Variants in DDAH1 observed in about 807,000 individuals in gnomAD.
DDAH1 encodes N(G),N(G)-dimethylarginine dimethylaminohydrolase 1.
A neutral mutation model predicts 28.8 loss-of-function variants in DDAH1; 19 were observed. The ratio of observed to expected loss-of-function variants is 0.66; its 90% CI spans 0.46 to 0.97. The LOEUF (loss-of-function observed/expected upper bound fraction) is 0.97, where lower values mean the gene tolerates loss of function less well. Among genes scored for constraint, DDAH1 ranks in the 50% least tolerant of loss-of-function variants. DDAH1 has a pLI of 0.00. For missense variants in DDAH1, 326 were observed against 375.9 expected (o/e 0.87, Z 1.10); for synonymous variants, 153 against 154.4 (o/e 0.99, Z 0.07).
intron 1 of DDAH1, among the ~76,000 whole-genome samples, chr1:85,419,554 A>AAAAAG (rs1653042052): frequency 6.6e-6 from 1 of 151,496 alleles, no homozygotes; most frequent in African/African-American, 2.4e-5. Flanking sequence ...AAAAAAAAAA[A>AAAAAG]AAAAAAGTCT....
At chr1:85,465,798 C>G (rs564641862), upstream of DDAH1, among the ~76,000 whole-genome samples, 18 of 152,258 alleles carry the variant, frequency 1.2e-4, no homozygotes, top group South Asian at 3.3e-3. Context: ...GTCCTGGAGC[C>G]CAAACCACTG....
chr1:85,352,124 G>A (rs975319039), intron 2 of DDAH1, among the ~76,000 whole-genome samples: 1 of 152,094 alleles, frequency 6.6e-6, no homozygotes, highest in Non-Finnish European at 1.5e-5. Flanking sequence ...TGAGGAAAAA[G>A]AAAAAATTGA....
chr1:85,340,997 T>C (rs1648441537), intron 4 of DDAH1, among the ~76,000 whole-genome samples: 1 of 152,240 alleles, frequency 6.6e-6, no homozygotes, highest in African/African-American at 2.4e-5. Context: ...TTCATTCAGG[T>C]GCACTCAGAC....
At chr1:85,523,605 C>A (rs1276128507) in intron 1 of DDAH1, among the ~76,000 whole-genome samples, 8 of 151,980 alleles carry the variant, frequency 5.3e-5, no homozygotes, top group Non-Finnish European at 1.2e-4. Context: ...AGGGATTTAA[C>A]CTTCTTGTAC....
rs545044738 is a variant in DDAH1, at chr1:85,509,673, C to T, written c.-122-13392G>A. Reference sequence around the variant, plus strand: ...CCTGATGGAGCTGAAAACCATGGCACGAGAACTTTGTGACATATGCACAAC... The same window carrying T: ...CCTGATGGAGCTGAAAACCATGGCATGAGAACTTTGTGACATATGCACAAC... On this transcript the variant is annotated intron_variant, in intron 1 of 6. Coordinates refer to the DDAH1 transcript ENST00000426972. Among the ~76,000 whole-genome samples the T allele has an allele frequency of 2.0e-3, 308 of 152,148 alleles. 1 individual carries two copies. Among genetic ancestry groups the T allele is most frequent in the African/African-American group, 7.0e-3 (290 of 41,494 alleles).
chr1:85,383,546 C>T (rs1394898965), intron 1 of DDAH1, among the ~76,000 whole-genome samples: 8 of 152,144 alleles, frequency 5.3e-5, no homozygotes, highest in Non-Finnish European at 8.8e-5. Context: ...ATTGACAGAG[C>T]AATGGTAGTT....
chr1:85,518,549 G>A (rs1431572669), intron 1 of DDAH1, among the ~76,000 whole-genome samples: 4 of 152,086 alleles, frequency 2.6e-5, no homozygotes, highest in Non-Finnish European at 4.4e-5. Context: ...CGACAGGGTG[G>A]TGAATCCTTC....
intron 1 of DDAH1, among the ~76,000 whole-genome samples, chr1:85,557,623 G>T (rs1365876784): frequency 2.6e-5 from 4 of 152,116 alleles, no homozygotes. Flanking sequence ...AGTGTTATGG[G>T]CTAAATTGTG....
At position 85,321,504 on chromosome 1, in the gene DDAH1, T is replaced by C. The variant is rs1661343699; in HGVS notation, c.806A>G (p.Asp269Gly). 6.2e-7 allele frequency: 1 copy of C among 1,614,036 alleles called. No homozygotes were observed. Among genetic ancestry groups the C allele is most frequent in the Admixed American group, 1.7e-5 (1 of 59,998 alleles). ...AACTGAGCAGCAGGTGAGCAGCCCA[T>C]CCACCTTTTCCAGTTCAGACATGCT... ...PVSMSELEKV[D>G]GLLTCCSVLI... The change falls in exon 6 of 6, where the codon GAT becomes GGT. Residue 269 changes from aspartate (D) to glycine (G), a missense_variant. Coordinates refer to ENST00000284031, the MANE Select transcript of DDAH1 (RefSeq NM_012137.4).
chr1:85,345,241 T>G (rs192804992), intron 4 of DDAH1, among the ~76,000 whole-genome samples: 15 of 152,122 alleles, frequency 9.9e-5, no homozygotes, highest in Non-Finnish European at 2.1e-4. Context: ...TTGGAGTAAC[T>G]GGAGTACTCA....
At chr1:85,440,023 A>T (rs1306865839) in intron 1 of DDAH1, among the ~76,000 whole-genome samples, 1 of 152,174 alleles carries the variant, frequency 6.6e-6, no homozygotes, top group Non-Finnish European at 1.5e-5. Context: ...TCTACTTGGA[A>T]ACCTGGATGA....
intron 2 of DDAH1, among the ~76,000 whole-genome samples, chr1:85,492,885 A>C (rs1185235414): frequency 3.9e-5 from 6 of 152,102 alleles, no homozygotes; most frequent in African/African-American, 1.4e-4. Context: ...CATTTTCTTC[A>C]TTAGACTATG....
chr1:85,418,469 A>C (rs1402444375), intron 1 of DDAH1, among the ~76,000 whole-genome samples: 1 of 152,240 alleles, frequency 6.6e-6, no homozygotes, highest in Non-Finnish European at 1.5e-5. Flanking sequence ...AAGGTAAAAG[A>C]CCATGAATTT....
In DDAH1 at chr1:85,418,743, AC is replaced by A. The variant is rs1226329311; in HGVS notation, c.303+45999del. ...CTGTCACTTCTCCTTTTAACACAGT[AC>A]CCATATCCCTGCTTTCCCATCCATT... On this transcript the variant is annotated intron_variant, in intron 1 of 5. Transcript: ENST00000284031. 3.3e-5 allele frequency among the ~76,000 whole-genome samples: 5 copies of A among 152,170 alleles called. No homozygotes were observed. In the East Asian group the frequency reaches 9.6e-4, roughly 29 times the overall value.
chr1:85,570,549 C>T (rs1017861811), intron 1 of DDAH1, among the ~76,000 whole-genome samples: 2 of 152,164 alleles, frequency 1.3e-5, no homozygotes, highest in Admixed American at 6.5e-5. Flanking sequence ...GAAAATCATA[C>T]TTCCTTAGTT....
intron 2 of DDAH1, among the ~76,000 whole-genome samples, chr1:85,490,938 A>G (rs1159208294): frequency 6.6e-6 from 1 of 152,024 alleles, no homozygotes; most frequent in Non-Finnish European, 1.5e-5. Flanking sequence ...AGCCAACTCT[A>G]CCATTAAAAT....
Position 85,492,295 on chromosome 1 carries a change from T to C in DDAH1, c.-7+3871A>G, listed in dbSNP as rs576461453. Among the ~76,000 whole-genome samples the C allele has an allele frequency of 9.2e-5, 14 of 152,040 alleles. No homozygotes were observed. The South Asian group carries it at 2.9e-3, about 32-fold the overall frequency. ...TCAGAAATCATTCTCTAATTAACAATAAAAAAATGCAAAAATGGACTCAAA... is the reference window on the plus strand; with the variant it reads ...TCAGAAATCATTCTCTAATTAACAACAAAAAAATGCAAAAATGGACTCAAA... On this transcript the variant is annotated intron_variant, in intron 2 of 6. Transcript: ENST00000426972.
At chr1:85,363,011 T>C (rs1005483221) in intron 1 of DDAH1, among the ~76,000 whole-genome samples, 1 of 152,202 alleles carries the variant, frequency 6.6e-6, no homozygotes, top group African/African-American at 2.4e-5. Flanking sequence ...TAAAGCCTTA[T>C]ATAGTTTTAC....
chr1:85,412,962 C>T (rs1331492389), intron 1 of DDAH1, among the ~76,000 whole-genome samples: 1 of 152,188 alleles, frequency 6.6e-6, no homozygotes, highest in Non-Finnish European at 1.5e-5. Flanking sequence ...GATGGTGCCA[C>T]TGTACTCCAG....
Sources: allele counts gnomAD v4.1 joint callset (sites outside exome capture counted in the v4.1 genomes callset), GRCh38; gene constraint gnomAD v4.1.1; transcripts MANE v1.5; gene names NCBI Gene and HGNC (gene_info 2026-07-23, HGNC 2026-07-21).